The following SCPPPQ1 variants were observed in gnomAD, a reference collection of about 807,000 sequenced individuals.
SCPPPQ1 encodes the protein secretory calcium-binding phosphoprotein proline-glutamine rich 1, also known as secretory calcium-binding phosphoprotein proline- and glutamine-rich 1.
At chr4:87,467,586 A>T in the SCPPPQ1 span, among the ~76,000 whole-genome samples, 243 of 152,346 alleles carry the variant, frequency 1.6e-3, 1 homozygote, top group African/African-American at 5.8e-3. Context: ...TTTAATAGTA[A>T]GTGCAGAGAA....
chr4:87,465,496 G>A, the SCPPPQ1 span, among the ~76,000 whole-genome samples: 1 of 140,664 alleles, frequency 7.1e-6, no homozygotes, highest in Admixed American at 7.5e-5. Flanking sequence ...TATTTCCTAA[G>A]GAAGCTTTAA....
At chr4:87,469,676 G>A in the SCPPPQ1 span, among the ~76,000 whole-genome samples, 9 of 152,222 alleles carry the variant, frequency 5.9e-5, no homozygotes, top group Admixed American at 4.6e-4. Context: ...GAATTGAAGG[G>A]GTAGGAGATC....
the SCPPPQ1 span, among the ~76,000 whole-genome samples, chr4:87,462,733 C>T: frequency 3.3e-5 from 5 of 152,160 alleles, no homozygotes; most frequent in African/African-American, 1.2e-4. Context: ...CACAGTGGCT[C>T]ACGCCTGTAA....
At chr4:87,465,559 C>CAAAAAAAAAAAA in the SCPPPQ1 span, among the ~76,000 whole-genome samples, 4 of 98,308 alleles carry the variant, frequency 4.1e-5, no homozygotes, top group East Asian at 2.6e-4. Flanking sequence ...TAGAAATCTA[C>CAAAAAAAAAAAA]AAAAAAAAAA....
chr4:87,463,266 T>A, the SCPPPQ1 span, among the ~76,000 whole-genome samples: 2 of 151,812 alleles, frequency 1.3e-5, no homozygotes, highest in Non-Finnish European at 2.9e-5. Flanking sequence ...TAACTTACCT[T>A]TATCAATTTA....
At chr4:87,466,183 T>C in the SCPPPQ1 span, among the ~76,000 whole-genome samples, 1 of 151,570 alleles carries the variant, frequency 6.6e-6, no homozygotes, top group East Asian at 1.9e-4. Context: ...AGGTCAGGAG[T>C]GAGTTCGCCC....
chr4:87,470,741 T>C, the SCPPPQ1 span, among the ~76,000 whole-genome samples: 1 of 152,238 alleles, frequency 6.6e-6, no homozygotes, highest in Admixed American at 6.5e-5. Context: ...GTTATATCTA[T>C]AAATCACACT....
chr4:87,462,807 G>A, the SCPPPQ1 span, among the ~76,000 whole-genome samples: 70 of 152,234 alleles, frequency 4.6e-4, no homozygotes, highest in African/African-American at 1.6e-3. Context: ...AGACCAGCCT[G>A]GCTAATGTGG....
chr4:87,465,530 TAAGGAA>T, the SCPPPQ1 span, among the ~76,000 whole-genome samples: 4,090 of 108,708 alleles, frequency 0.038, 210 homozygotes, highest in African/African-American at 0.14. Context: ...ATTTGGATTG[TAAGGAA>T]AAGGAAAAGG....
At chr4:87,469,351 T>G in the SCPPPQ1 span, among the ~76,000 whole-genome samples, 3 of 152,178 alleles carry the variant, frequency 2.0e-5, no homozygotes, top group Non-Finnish European at 4.4e-5. Context: ...GGACTCATTT[T>G]ATAGACAAGG....
the SCPPPQ1 span, among the ~76,000 whole-genome samples, chr4:87,463,593 A>G: frequency 6.6e-6 from 1 of 151,976 alleles, no homozygotes; most frequent in East Asian, 1.9e-4. Flanking sequence ...TATATTATTT[A>G]TATGATACAA....
chr4:87,470,523 A>T, the SCPPPQ1 span, among the ~76,000 whole-genome samples: 1 of 151,938 alleles, frequency 6.6e-6, no homozygotes, highest in Non-Finnish European at 1.5e-5. Context: ...ATATGAGTAA[A>T]TTCAGATTCA....
chr4:87,469,947 C>CTTTTTTTTTTTTTTTTTTTTTTTTTTT, the SCPPPQ1 span, among the ~76,000 whole-genome samples: 2 of 114,972 alleles, frequency 1.7e-5, no homozygotes, highest in Non-Finnish European at 3.6e-5. Flanking sequence ...ACACACAAAT[C>CTTTTTTTTTTTTTTTTTTTTTTTTTTT]TTTTTTTTTT....
chr4:87,465,559 CA>C, the SCPPPQ1 span, among the ~76,000 whole-genome samples: 752 of 98,108 alleles, frequency 7.7e-3, 4 homozygotes, highest in African/African-American at 0.028. Flanking sequence ...TAGAAATCTA[CA>C]AAAAAAAAAA....
At chr4:87,467,597 A>G in the SCPPPQ1 span, among the ~76,000 whole-genome samples, 3 of 152,218 alleles carry the variant, frequency 2.0e-5, no homozygotes, top group Non-Finnish European at 4.4e-5. Context: ...GTGCAGAGAA[A>G]CACTGCGAGA....
the SCPPPQ1 span, chr4:87,462,135 G>A: frequency 6.6e-6 from 1 of 152,188 alleles, no homozygotes; most frequent in African/African-American, 2.4e-5. Flanking sequence ...GTATAATCAT[G>A]TATGTTGGAG....
chr4:87,470,426 G>A, the SCPPPQ1 span, among the ~76,000 whole-genome samples: 2 of 152,152 alleles, frequency 1.3e-5, no homozygotes, highest in African/African-American at 2.4e-5. Context: ...TAGTCTGGTT[G>A]CTGTTATTGC....
chr4:87,465,975 T>C, the SCPPPQ1 span, among the ~76,000 whole-genome samples: 2 of 152,234 alleles, frequency 1.3e-5, no homozygotes, highest in Non-Finnish European at 2.9e-5. Context: ...GAGTTTCCAT[T>C]TCACAGAAGA....
chr4:87,463,845 G>A, the SCPPPQ1 span, among the ~76,000 whole-genome samples: 72 of 152,294 alleles, frequency 4.7e-4, no homozygotes, highest in Admixed American at 2.0e-3. Flanking sequence ...TTGAGAACTT[G>A]CTTATACAAG....
Sources: allele counts gnomAD v4.1 joint callset (sites outside exome capture counted in the v4.1 genomes callset), GRCh38; gene constraint gnomAD v4.1.1; transcripts MANE v1.5; gene names NCBI Gene and HGNC (gene_info 2026-07-23, HGNC 2026-07-21).